The following PCDHA11 variants were observed in gnomAD, a reference collection of about 807,000 sequenced individuals.
PCDHA11 encodes the protein protocadherin alpha-11.
Under a neutral mutation model 70.3 loss-of-function variants are expected in PCDHA11, and 61 were observed. The ratio of observed to expected loss-of-function variants is 0.87; its 90% CI spans 0.71 to 1.07. The LOEUF (loss-of-function observed/expected upper bound fraction) is 1.07. Ranked by LOEUF, PCDHA11 falls within the 50% of genes least tolerant of loss-of-function variation. The pLI is 0.00. For synonymous variants in PCDHA11, 633 were observed against 555.1 expected, an observed-to-expected ratio of 1.14 and a Z score of -1.97; for missense variants, 1,324 against 1,237.5, an observed-to-expected ratio of 1.07 and a Z score of -1.05.
At chr5:140,893,381 A>G (rs755671273) in intron 1 of PCDHA11, among the ~76,000 whole-genome samples, 11 of 152,190 alleles carry the variant, frequency 7.2e-5, no homozygotes, top group Non-Finnish European at 1.6e-4. Context: ...TTTATGGGAC[A>G]GTGGCTCATG....
At chr5:140,987,439 A>G (rs1407783928) in intron 3 of PCDHA11, among the ~76,000 whole-genome samples, 18 of 152,154 alleles carry the variant, frequency 1.2e-4, no homozygotes, top group African/African-American at 3.9e-4. Flanking sequence ...GCCTTTCCCC[A>G]TGCCCGAGAG....
rs1252148937 is a variant in PCDHA11 at position 141,009,582 on chromosome 5, G to T, written c.2540-45G>T. On this transcript the variant is annotated intron_variant, in intron 3 of 3. Coordinates refer to ENST00000398640, the MANE Select transcript of PCDHA11 (RefSeq NM_018902.5). ...CTCTACCAGCAGTGTGGCATCAAGA[G>T]CATGTGTTGACCCTGTTAATGATTT... 16 of 1,590,108 alleles carry T rather than the reference G, an allele frequency of 1.0e-5. No homozygotes were observed. In the African/African-American group the frequency reaches 2.0e-4, roughly 20 times the overall value.
At chr5:140,929,424 A>G in intron 1 of PCDHA11, 1 of 1,496,380 alleles carries the variant, frequency 6.7e-7, no homozygotes, top group East Asian at 2.3e-5. Flanking sequence ...ACATTTCATC[A>G]ATTGAACTAA....
chr5:140,964,747 G>C (rs1170890203), intron 1 of PCDHA11, among the ~76,000 whole-genome samples: 3 of 151,868 alleles, frequency 2.0e-5, no homozygotes, highest in Non-Finnish European at 4.4e-5. Context: ...AATTATTGTA[G>C]GGATGTTTGG....
At chr5:140,971,952 C>T (rs782029862) in intron 1 of PCDHA11, among the ~76,000 whole-genome samples, 3 of 152,012 alleles carry the variant, frequency 2.0e-5, no homozygotes, top group Non-Finnish European at 4.4e-5. Context: ...CATCTGACTC[C>T]AAAAACTTTT....
intron 1 of PCDHA11, among the ~76,000 whole-genome samples, chr5:140,872,366 C>T (rs1474545806): frequency 5.3e-5 from 8 of 152,126 alleles, no homozygotes; most frequent in African/African-American, 1.4e-4. Flanking sequence ...GTGGTTCAGG[C>T]CTGTAATCCC....
intron 1 of PCDHA11, among the ~76,000 whole-genome samples, chr5:140,879,906 T>C (rs993531346): frequency 6.6e-6 from 1 of 152,214 alleles, no homozygotes; most frequent in Admixed American, 6.5e-5. Context: ...TCTCTCTCTA[T>C]GTGTTGGTTT....
intron 1 of PCDHA11, among the ~76,000 whole-genome samples, chr5:140,975,124 C>T (rs560299893): frequency 6.6e-6 from 1 of 152,268 alleles, no homozygotes; most frequent in African/African-American, 2.4e-5. Flanking sequence ...TTCCTACTTA[C>T]TATTGGCCTG....
intron 1 of PCDHA11, chr5:140,884,047 G>A: frequency 1.9e-6 from 3 of 1,613,390 alleles, no homozygotes; most frequent in East Asian, 2.2e-5. Flanking sequence ...TGGTGGCGAA[G>A]GTGCGCGCGG....
chr5:140,877,028 C>T (rs367864661), intron 1 of PCDHA11: 1 of 1,612,352 alleles, frequency 6.2e-7, no homozygotes, highest in Non-Finnish European at 8.5e-7. Flanking sequence ...AAGGTGTACG[C>T]GCTGCAGCCG....
At chr5:140,958,145 A>G (rs1044763099) in intron 1 of PCDHA11, among the ~76,000 whole-genome samples, 4 of 152,156 alleles carry the variant, frequency 2.6e-5, no homozygotes, top group African/African-American at 4.8e-5. Context: ...GTATATTTAT[A>G]TAGCATAGTC....
chr5:140,876,106 C>G, intron 1 of PCDHA11: 1 of 1,613,942 alleles, frequency 6.2e-7, no homozygotes, highest in Admixed American at 1.7e-5. Context: ...CAATTTATTG[C>G]TGATGGTAAT....
At chr5:140,876,315 C>T in intron 1 of PCDHA11, 1 of 1,613,958 alleles carries the variant, frequency 6.2e-7, no homozygotes, top group South Asian at 1.1e-5. Flanking sequence ...CCTATGGGAT[C>T]AAAATGATTT....
At chr5:140,886,759 G>A (rs541111444) in intron 1 of PCDHA11, among the ~76,000 whole-genome samples, 221 of 150,566 alleles carry the variant, frequency 1.5e-3, no homozygotes, top group Non-Finnish European at 2.7e-3. Flanking sequence ...CCGGGAGGTG[G>A]AGGTTGCAGT....
intron 1 of PCDHA11, among the ~76,000 whole-genome samples, chr5:140,959,659 A>G (rs1020730964): frequency 6.6e-6 from 1 of 152,250 alleles, no homozygotes; most frequent in Non-Finnish European, 1.5e-5. Context: ...AAATTGAAGA[A>G]TTTGTAAATC....
intron 3 of PCDHA11, among the ~76,000 whole-genome samples, chr5:141,007,300 T>C (rs185284872): frequency 6.6e-6 from 1 of 151,058 alleles, no homozygotes; most frequent in Admixed American, 6.6e-5. Context: ...CCTGTAATCT[T>C]AGCATTTTGG....
chr5:140,877,243 G>A lies in PCDHA11; in HGVS notation c.2391+5749G>A, dbSNP rs201483899. ...GCGGTCGGTGGGTGCGGGCCACGTG[G>A]TGGCGAAAGTGCGCGCGGTGGACGC... On this transcript the variant is annotated intron_variant, in intron 1 of 3. Transcript: ENST00000398640. The A allele has an allele frequency of 1.2e-5, 20 of 1,613,724 alleles. No individual in the cohort carries two copies. In the African/African-American group the frequency reaches 2.7e-4, roughly 22 times the overall value.
At chr5:140,943,927 A>G (rs1407165466) in intron 1 of PCDHA11, among the ~76,000 whole-genome samples, 2 of 152,236 alleles carry the variant, frequency 1.3e-5, no homozygotes, top group East Asian at 1.9e-4. Flanking sequence ...GAGCAGCTTT[A>G]GAAGTGTGGT....
chr5:140,938,261 A>G (rs1325957872), intron 1 of PCDHA11, among the ~76,000 whole-genome samples: 2 of 152,182 alleles, frequency 1.3e-5, no homozygotes, highest in Non-Finnish European at 2.9e-5. Flanking sequence ...AAAACTTTCT[A>G]ATCACATAGT....
Sources: gnomAD v4.1 joint callset for allele counts (sites outside exome capture counted in the v4.1 genomes callset) on GRCh38, gnomAD v4.1.1 for gene constraint, MANE v1.5 for transcripts, NCBI Gene and HGNC (gene_info 2026-07-23, HGNC 2026-07-21) for gene names.